Variants in WDPCP observed in about 807,000 individuals in gnomAD.
WDPCP encodes WD repeat containing planar cell polarity effector.
In WDPCP, 71 loss-of-function variants were observed where a neutral mutation model predicts 93.1. The observed-to-expected ratio is 0.76, with a 90% CI of 0.63 to 0.93. WDPCP has a LOEUF of 0.93. Ranked by LOEUF, WDPCP falls within the 40% of genes least tolerant of loss-of-function variation. The pLI, the probability that WDPCP is intolerant of heterozygous loss-of-function variation, is 0.00. For synonymous variants in WDPCP, 315 were observed against 315.0 expected, an observed-to-expected ratio of 1.00 and a Z score of 0.00; for missense variants, 844 against 887.4, an observed-to-expected ratio of 0.95 and a Z score of 0.62.
At chr2:63,278,858 C>T (rs1302857322) in intron 13 of WDPCP, among the ~76,000 whole-genome samples, 2 of 152,176 alleles carry the variant, frequency 1.3e-5, no homozygotes, top group Non-Finnish European at 1.5e-5. Context: ...CTGCTATGAA[C>T]ACCTTTTTGT....
At chr2:63,824,499 G>A (rs1299958200) in intron 1 of WDPCP, among the ~76,000 whole-genome samples, 23 of 117,266 alleles carry the variant, frequency 2.0e-4, no homozygotes, top group African/African-American at 6.8e-4. Flanking sequence ...TGTAAGCTGT[G>A]ATCACGCCAC....
chr2:63,408,940 C>CA (rs1408076414), intron 9 of WDPCP, among the ~76,000 whole-genome samples: 3 of 152,120 alleles, frequency 2.0e-5, no homozygotes, highest in Non-Finnish European at 2.9e-5. Context: ...GCCCTGCTCC[C>CA]ACCTGATGGT....
intron 2 of WDPCP, among the ~76,000 whole-genome samples, chr2:63,806,684 G>T (rs1670772226): frequency 1.3e-5 from 2 of 152,098 alleles, no homozygotes; most frequent in African/African-American, 4.8e-5. Flanking sequence ...TCAGTTCAGA[G>T]ACCCACCCCG....
intron 14 of WDPCP, among the ~76,000 whole-genome samples, chr2:63,178,432 G>C (rs958028981): frequency 6.6e-6 from 1 of 152,092 alleles, no homozygotes; most frequent in Admixed American, 6.6e-5. Flanking sequence ...ATCCAATCTT[G>C]GTTAGTTGTG....
intron 2 of WDPCP, among the ~76,000 whole-genome samples, chr2:63,800,891 A>C (rs1670685015): frequency 6.6e-6 from 1 of 151,932 alleles, no homozygotes; most frequent in African/African-American, 2.4e-5. Flanking sequence ...CCATCTCTGC[A>C]AAAAACTTAA....
chr2:63,310,968 C>A (rs965771790), intron 13 of WDPCP, among the ~76,000 whole-genome samples: 2 of 152,196 alleles, frequency 1.3e-5, no homozygotes, highest in African/African-American at 4.8e-5. Context: ...TATCACTCTT[C>A]TATTTAAAAT....
chr2:63,504,324 T>TTGTGTGTGTGTGTGTG (rs60202196), intron 1 of WDPCP, among the ~76,000 whole-genome samples: 13 of 138,022 alleles, frequency 9.4e-5, no homozygotes, highest in South Asian at 2.5e-4. Context: ...ACGTACTAAA[T>TTGTGTGTGTGTGTGTG]TGTGTGTGTG....
At chr2:63,632,114 C>A (rs1709870893) in intron 3 of WDPCP, among the ~76,000 whole-genome samples, 2 of 152,234 alleles carry the variant, frequency 1.3e-5, no homozygotes, top group South Asian at 4.1e-4. Flanking sequence ...ACTGTTCCTT[C>A]TATAGAGCTG....
At chr2:63,439,955 C>T in intron 6 of WDPCP, 84 bp from the exon 7 acceptor site, 1 of 1,006,138 alleles carries the variant, frequency 9.9e-7, no homozygotes, top group South Asian at 1.3e-5. Context: ...AAATATACAA[C>T]TTATACAGAT....
chr2:63,617,635 C>A (rs746521646), intron 3 of WDPCP, among the ~76,000 whole-genome samples: 1 of 152,100 alleles, frequency 6.6e-6, no homozygotes, highest in Non-Finnish European at 1.5e-5. Context: ...AGTTGCCTGC[C>A]TTGTTATACA....
At chr2:63,748,631 A>G (rs972666823) in intron 2 of WDPCP, among the ~76,000 whole-genome samples, 1 of 152,064 alleles carries the variant, frequency 6.6e-6, no homozygotes, top group Non-Finnish European at 1.5e-5. Context: ...GTAATATTTT[A>G]TTACTGGCAT....
At chr2:63,439,236 G>T (rs1697339638) in intron 7 of WDPCP, among the ~76,000 whole-genome samples, 1 of 152,088 alleles carries the variant, frequency 6.6e-6, no homozygotes, top group African/African-American at 2.4e-5. Context: ...ATTACAGACT[G>T]ATTGAGATGT....
chr2:63,778,621 C>A (rs1044988957), intron 2 of WDPCP, among the ~76,000 whole-genome samples: 1 of 152,164 alleles, frequency 6.6e-6, no homozygotes, highest in African/African-American at 2.4e-5. Flanking sequence ...TATGTTGTTC[C>A]TGTTATGGTT....
chr2:63,551,139 T>C (rs949306657), intron 1 of WDPCP, among the ~76,000 whole-genome samples: 1 of 152,224 alleles, frequency 6.6e-6, no homozygotes, highest in Non-Finnish European at 1.5e-5. Flanking sequence ...ATTTCAAAAA[T>C]GAAGACCTTC....
intron 1 of WDPCP, among the ~76,000 whole-genome samples, chr2:63,587,264 G>A (rs751975254): frequency 4.6e-5 from 7 of 152,148 alleles, no homozygotes; most frequent in Non-Finnish European, 7.4e-5. Flanking sequence ...AGTATAGACA[G>A]AGAATACAGG....
intron 14 of WDPCP, among the ~76,000 whole-genome samples, chr2:63,234,757 G>T (rs2104590444): frequency 6.6e-6 from 1 of 152,238 alleles, no homozygotes; most frequent in East Asian, 1.9e-4. Context: ...TATGTACATT[G>T]TAGTATAGAA....
chr2:63,230,021 G>A (rs1389540907), intron 14 of WDPCP: 2 of 151,680 alleles, frequency 1.3e-5, no homozygotes, highest in African/African-American at 4.9e-5. Context: ...GTGCCATGTT[G>A]GTGTGCTGCA....
chr2:63,645,490 G>A (rs1340367321), intron 3 of WDPCP, among the ~76,000 whole-genome samples: 1 of 152,206 alleles, frequency 6.6e-6, no homozygotes. Context: ...GCCATTGGAT[G>A]AAATGTTCTG....
At position 63,247,623 on chromosome 2, in the gene WDPCP, GGGTAC is replaced by G. The variant is rs1408407542; in HGVS notation, c.1915+11679_1915+11683del. Among the ~76,000 whole-genome samples, 5 of 151,200 alleles carry G rather than the reference GGGTAC, an allele frequency of 3.3e-5. No individual in the cohort carries two copies. In the East Asian group the frequency reaches 9.7e-4, roughly 29 times the overall value. On this transcript the variant is annotated intron_variant, in intron 14 of 17. Coordinates refer to ENST00000272321, the MANE Select transcript of WDPCP (RefSeq NM_015910.7). The stretch of plus-strand genomic sequence containing the variant: ...TGTAAGGTGTTTTGTGTTTAGACCT[GGGTAC>G]CATCCTCAAGATATCTCAGTATGTA...
Sources: allele counts gnomAD v4.1 joint callset (sites outside exome capture counted in the v4.1 genomes callset), GRCh38; gene constraint gnomAD v4.1.1; transcripts MANE v1.5; gene names NCBI Gene and HGNC (gene_info 2026-07-23, HGNC 2026-07-21).